The following DCC variants were observed in gnomAD, a reference collection of about 807,000 sequenced individuals.
DCC encodes the protein DCC netrin 1 receptor, also known as netrin receptor DCC.
Under a neutral mutation model 172.5 loss-of-function variants are expected in DCC, and 58 were observed. The observed-to-expected ratio is 0.34, with a 90% CI of 0.27 to 0.42. DCC has a LOEUF of 0.42. Among genes scored for constraint, DCC ranks in the 10% least tolerant of loss-of-function variants. The pLI, the probability that DCC is intolerant of heterozygous loss-of-function variation, is 1.00. For missense variants in DCC, 1,740 were observed against 1,791.0 expected, an observed-to-expected ratio of 0.97 and a Z score of 0.51; for synonymous variants, 709 against 644.5, an observed-to-expected ratio of 1.10 and a Z score of -1.52.
At chr18:53,264,469 T>A in intron 12 of DCC, among the ~76,000 whole-genome samples, 1 of 98,334 alleles carries the variant, frequency 1.0e-5, no homozygotes, top group Non-Finnish European at 2.0e-5. Context: ...CGAGCAAAAC[T>A]CCGTCTCAAA....
intron 5 of DCC, among the ~76,000 whole-genome samples, chr18:52,999,216 T>C (rs547719123): frequency 6.6e-6 from 1 of 152,208 alleles, no homozygotes; most frequent in South Asian, 2.1e-4. Context: ...TTTTTGTATT[T>C]TTATCTTTGT....
intron 2 of DCC, among the ~76,000 whole-genome samples, chr18:52,833,583 A>G (rs1054908765): frequency 6.6e-6 from 1 of 152,158 alleles, no homozygotes; most frequent in African/African-American, 2.4e-5. Flanking sequence ...ACTGCTAGCA[A>G]GTTCCCAAAC....
chr18:52,760,159 C>T (rs1857028020), intron 2 of DCC, among the ~76,000 whole-genome samples: 1 of 152,142 alleles, frequency 6.6e-6, no homozygotes, highest in Non-Finnish European at 1.5e-5. Flanking sequence ...CCTCAGGAGA[C>T]TTGTAATCAT....
chr18:52,971,106 G>A (rs765352498), intron 5 of DCC, among the ~76,000 whole-genome samples: 1 of 152,118 alleles, frequency 6.6e-6, no homozygotes, highest in East Asian at 1.9e-4. Flanking sequence ...CTCTGAGACA[G>A]ATGACAGCTG....
chr18:53,337,903 A>G (rs1228480197), intron 14 of DCC, among the ~76,000 whole-genome samples: 1 of 152,220 alleles, frequency 6.6e-6, no homozygotes, highest in Non-Finnish European at 1.5e-5. Context: ...ATAATTTGGC[A>G]TATGTTACCT....
At position 53,434,106 on chromosome 18, in the gene DCC, G is replaced by A. The variant is rs537348724; in HGVS notation, c.3164-1038G>A. ...CATGCAAAATAAAGTCACAAAACCA[G>A]GACTTGAAAGTTATAGAGATGAAGA... On this transcript the variant is annotated intron_variant, in intron 21 of 28. Transcript: ENST00000442544. 5.3e-5 allele frequency among the ~76,000 whole-genome samples: 8 copies of A among 152,232 alleles called. No individual in the cohort carries two copies. The South Asian group carries it at 1.7e-3, about 32-fold the overall frequency.
At chr18:52,540,106 C>T (rs1438887000) in intron 1 of DCC, among the ~76,000 whole-genome samples, 2 of 152,126 alleles carry the variant, frequency 1.3e-5, no homozygotes, top group East Asian at 1.9e-4. Flanking sequence ...TAAATGTACA[C>T]TCTAGGACAT....
intron 24 of DCC, among the ~76,000 whole-genome samples, chr18:53,466,520 A>G (rs2045623006): frequency 1.3e-5 from 2 of 151,942 alleles, no homozygotes; most frequent in African/African-American, 4.8e-5. Flanking sequence ...ATATTTGCAT[A>G]GTTCATTTTT....
chr18:52,941,292 T>G (rs1014537246), intron 5 of DCC: 1 of 152,090 alleles, frequency 6.6e-6, no homozygotes, highest in Admixed American at 6.6e-5. Context: ...AAATATATAT[T>G]TATGGAAGAT....
intron 5 of DCC, among the ~76,000 whole-genome samples, chr18:52,955,172 A>G (rs1039448176): frequency 2.0e-5 from 3 of 152,124 alleles, no homozygotes; most frequent in Non-Finnish European, 2.9e-5. Context: ...ATCATGCATG[A>G]TAGTTTCATT....
In DCC at chr18:53,535,296, C is replaced by G. The variant is rs2046563972; in HGVS notation, c.*4643C>G. 1 of 151,632 alleles carries G rather than the reference C, an allele frequency of 6.6e-6. No individual in the cohort carries two copies. The highest frequency in any genetic ancestry group is 2.1e-4 in the South Asian group (1 of 4,738). The allele number at this position is 151,632 out of a possible 1,614,324, so 9.4% of individuals were successfully genotyped here. A position where few individuals can be genotyped will look rare whatever the true frequency, so the allele number is the denominator to read the frequency against. On this transcript the variant is annotated 3_prime_UTR_variant, in exon 29 of 29. Transcript: ENST00000442544. ...GCTGTTAAAGCTGCAGTGTTCCATA[C>G]CTCAGAGGGACCACTTTGGAAATGA... is the stretch of plus-strand genomic sequence containing the variant.
intron 25 of DCC, among the ~76,000 whole-genome samples, chr18:53,472,188 A>G (rs1280334892): frequency 6.6e-6 from 1 of 152,194 alleles, no homozygotes; most frequent in Non-Finnish European, 1.5e-5. Context: ...TGTAGTAAGC[A>G]CTATTGTTAT....
At chr18:53,362,012 G>A (rs1180646313) in intron 15 of DCC, among the ~76,000 whole-genome samples, 2 of 152,056 alleles carry the variant, frequency 1.3e-5, no homozygotes, top group South Asian at 4.1e-4. Flanking sequence ...GCAGAAAGGT[G>A]ATTATTTTCT....
intron 1 of DCC, among the ~76,000 whole-genome samples, chr18:52,627,919 T>G (rs1314581285): frequency 6.6e-6 from 1 of 152,178 alleles, no homozygotes; most frequent in Non-Finnish European, 1.5e-5. Context: ...CCCCACATTT[T>G]GGTGGCCTTC....
chr18:53,082,195 ACAT>A (rs1286722257), intron 7 of DCC, among the ~76,000 whole-genome samples: 3 of 152,124 alleles, frequency 2.0e-5, no homozygotes, highest in Non-Finnish European at 2.9e-5. Context: ...TGGGTTTTTA[ACAT>A]CATTCTACTT....
At chr18:52,353,464 G>A (rs1476645561) in intron 1 of DCC, among the ~76,000 whole-genome samples, 5 of 152,166 alleles carry the variant, frequency 3.3e-5, no homozygotes, top group Non-Finnish European at 7.3e-5. Context: ...CTGATGCTGA[G>A]AGCACACACA....
At chr18:53,292,113 AC>A (rs34382170) in intron 12 of DCC, among the ~76,000 whole-genome samples, 99,957 of 135,918 alleles carry the variant, frequency 0.74, 37,350 homozygotes, top group Non-Finnish European at 0.84. Flanking sequence ...TTTGAGCTCC[AC>A]CCCCCCCCCC....
At chr18:53,410,741 A>G (rs1001907322) in intron 20 of DCC, 95 bp downstream of exon 20, 8 of 793,166 alleles carry the variant, frequency 1.0e-5, no homozygotes, top group African/African-American at 6.7e-5. Flanking sequence ...CACCATCTCT[A>G]TTAGCAACAT....
In DCC at chr18:52,661,427, C is replaced by T. The variant is rs541044078; in HGVS notation, c.92-90627C>T. Among the ~76,000 whole-genome samples the T allele has an allele frequency of 3.9e-5, 6 of 152,146 alleles. No individual in the cohort carries two copies. The East Asian group carries it at 9.7e-4, about 25-fold the overall frequency. On this transcript the variant is annotated intron_variant, in intron 1 of 28. Coordinates refer to ENST00000442544, the MANE Select transcript of DCC (RefSeq NM_005215.4). The stretch of plus-strand genomic sequence containing the variant: ...AGTCCAGAAACAGTTGAGAGTGGGG[C>T]GAAAAATTGTACTGAAAATAGGGAC...
Sources: gnomAD v4.1 joint callset for allele counts (sites outside exome capture counted in the v4.1 genomes callset) on GRCh38, gnomAD v4.1.1 for gene constraint, MANE v1.5 for transcripts, NCBI Gene and HGNC (gene_info 2026-07-23, HGNC 2026-07-21) for gene names.